UGT1A8: variants seen among roughly 807,000 people sequenced by gnomAD.
UGT1A8 encodes the protein UDP glucuronosyltransferase family 1 member A8, also known as UDP-glucuronosyltransferase 1A8.
Under a neutral mutation model 45.3 loss-of-function variants are expected in UGT1A8, and 39 were observed. The ratio of observed to expected loss-of-function variants is 0.86; its 90% confidence interval spans 0.67 to 1.12. UGT1A8 has a LOEUF of 1.12. UGT1A8 is among the 50% of genes most tolerant of loss of function. The probability of loss-of-function intolerance (pLI) is 0.00; values close to 1 mark genes in which losing one functional copy is unlikely to be tolerated. For synonymous variants in UGT1A8, 275 were observed against 249.2 expected (o/e 1.10, Z -0.97); for missense variants, 719 against 664.9 (o/e 1.08, Z -0.90).
rs138617806 is a variant in UGT1A8 at position 233,729,585 on chromosome 2, C to A, written c.856-37449C>A. The A allele has an allele frequency of 2.5e-6, 4 of 1,613,966 alleles. No homozygotes were observed. The African/African-American group carries it at 5.3e-5, about 22-fold the overall frequency. The stretch of plus-strand genomic sequence containing the variant: ...CCTTTGATGTGGTTTTAACAGACCC[C>A]GTTAACCTCTGCGCGGCAGTGCTGG... On this transcript the variant is annotated intron_variant, in intron 1 of 4. Coordinates refer to ENST00000373450, the MANE Select transcript of UGT1A8 (RefSeq NM_019076.5).
chr2:233,717,477 G>A (rs551633792), intron 1 of UGT1A8, among the ~76,000 whole-genome samples: 2 of 152,228 alleles, frequency 1.3e-5, no homozygotes, highest in Non-Finnish European at 2.9e-5. Context: ...TGTGTCCAAA[G>A]GTGGAATCTG....
chr2:233,760,714 A>G, intron 1 of UGT1A8: 1 of 1,614,210 alleles, frequency 6.2e-7, no homozygotes, highest in Non-Finnish European at 8.5e-7. Flanking sequence ...CCTGGCAGAA[A>G]GCAGCTTTGA....
intron 1 of UGT1A8, among the ~76,000 whole-genome samples, chr2:233,694,600 T>A (rs1158201480): frequency 6.6e-6 from 1 of 152,238 alleles, no homozygotes; most frequent in Non-Finnish European, 1.5e-5. Flanking sequence ...TTGAAGGGCT[T>A]CAGGCAACTC....
At chr2:233,688,006 A>T (rs2074874016) in intron 1 of UGT1A8, among the ~76,000 whole-genome samples, 1 of 152,242 alleles carries the variant, frequency 6.6e-6, no homozygotes, top group African/African-American at 2.4e-5. Context: ...GTGCTCCCAG[A>T]TACAATCAAC....
At chr2:233,713,443 C>G (rs1477253039) in intron 1 of UGT1A8, 1 of 1,614,054 alleles carries the variant, frequency 6.2e-7, no homozygotes, top group African/African-American at 1.3e-5. Context: ...GTGGTTCTAA[C>G]AGACCCCTTT....
intron 1 of UGT1A8, among the ~76,000 whole-genome samples, chr2:233,635,064 T>G (rs896911818): frequency 6.6e-6 from 1 of 150,944 alleles, no homozygotes; most frequent in Non-Finnish European, 1.5e-5. Flanking sequence ...CTTATGAAGC[T>G]TAGTTTGGCT....
At chr2:233,767,273 T>C (rs772040465) in intron 2 of UGT1A8, 108 bp downstream of exon 2, 1 of 1,581,726 alleles carries the variant, frequency 6.3e-7, no homozygotes, top group Non-Finnish European at 8.5e-7. Context: ...GATTTGGCTT[T>C]TCCCTGCCAC....
At chr2:233,743,092 C>A (rs1287220574) in intron 1 of UGT1A8, 2 of 346,770 alleles carry the variant, frequency 5.8e-6, no homozygotes, top group African/African-American at 2.2e-5. Flanking sequence ...TTTATAAATT[C>A]TTGGGTACAG....
At chr2:233,648,915 A>T (rs1325256818) in intron 1 of UGT1A8, 43 of 1,361,208 alleles carry the variant, frequency 3.2e-5, no homozygotes, top group African/African-American at 4.3e-5. Context: ...ACAGCCACAC[A>T]TCAATTTGGT....
intron 1 of UGT1A8, among the ~76,000 whole-genome samples, chr2:233,742,294 T>C (rs1176827830): frequency 3.3e-5 from 5 of 152,006 alleles, no homozygotes; most frequent in African/African-American, 1.2e-4. Context: ...CTATAGATTA[T>C]AGATTAACTA....
intron 1 of UGT1A8, among the ~76,000 whole-genome samples, chr2:233,646,722 A>G (rs940739808): frequency 1.3e-5 from 2 of 152,172 alleles, no homozygotes; most frequent in African/African-American, 4.8e-5. Flanking sequence ...CCATATTGCT[A>G]TCAGCATTTT....
At chr2:233,694,585 C>A (rs1177504062) in intron 1 of UGT1A8, among the ~76,000 whole-genome samples, 10 of 152,158 alleles carry the variant, frequency 6.6e-5, no homozygotes, top group Non-Finnish European at 1.5e-4. Context: ...TAAATATTTA[C>A]AACTTTGAAG....
chr2:233,738,092 G>A (rs994009191), intron 1 of UGT1A8, among the ~76,000 whole-genome samples: 1 of 152,196 alleles, frequency 6.6e-6, no homozygotes, highest in African/African-American at 2.4e-5. Context: ...ATCATAGTGA[G>A]TGAGTTCTTA....
chr2:233,732,917 C>T (rs958837276), intron 1 of UGT1A8, among the ~76,000 whole-genome samples: 38 of 152,062 alleles, frequency 2.5e-4, no homozygotes, highest in Non-Finnish European at 3.8e-4. Context: ...GCCATTTTCA[C>T]GATATTGATT....
chr2:233,769,536 A>G lies in UGT1A8; in HGVS notation c.1295+1097A>G. On this transcript the variant is annotated intron_variant, in intron 4 of 4. Transcript: ENST00000373450. This position sits in a 1 kb window ranked among gnomAD's most constrained non-coding sequence, Gnocchi z 4.4. Reference sequence around the variant, plus strand: ...CCCATGGTTACCTCCTTTAGAAAGAAGCAGCAGTCAGGAAGACAGATGTGA... The same window carrying G: ...CCCATGGTTACCTCCTTTAGAAAGAGGCAGCAGTCAGGAAGACAGATGTGA... 6.2e-7 allele frequency: 1 copy of G among 1,612,938 alleles called. No homozygotes were observed. The highest frequency in any genetic ancestry group is 8.5e-7 in the Non-Finnish European group (1 of 1,179,892).
chr2:233,672,331 TTAG>T, intron 1 of UGT1A8: 1 of 1,614,142 alleles, frequency 6.2e-7, no homozygotes, highest in Non-Finnish European at 8.5e-7. Context: ...AGACAAAAAA[TTAG>T]TAGAATACTT....
chr2:233,647,464 T>C (rs768028814), intron 1 of UGT1A8, among the ~76,000 whole-genome samples: 1 of 152,248 alleles, frequency 6.6e-6, no homozygotes, highest in Admixed American at 6.5e-5. Context: ...ATTGGTATTA[T>C]TTCTTCCTTC....
In UGT1A8 at chr2:233,769,475, G is replaced by A. The variant is rs1699877907; in HGVS notation, c.1295+1036G>A. 2.5e-6 allele frequency: 4 copies of A among 1,611,166 alleles called. No homozygotes were observed. The highest frequency in any genetic ancestry group is 1.7e-4 in the Middle Eastern group (1 of 6,054). ...TGTGCATTCATATGCGTGTGTGTGT[G>A]TGTGCGTGTGTTTATGAGAGTGTCC... On this transcript the variant is annotated intron_variant, in intron 4 of 4. Coordinates refer to ENST00000373450, the MANE Select transcript of UGT1A8 (RefSeq NM_019076.5). The surrounding 1 kb of genome is among the most constrained non-coding windows in gnomAD (Gnocchi z 4.4).
At chr2:233,693,702 C>T in intron 1 of UGT1A8, 1 of 1,614,214 alleles carries the variant, frequency 6.2e-7, no homozygotes, top group Middle Eastern at 1.6e-4. Context: ...GAAGAACTCG[C>T]ATCAGCTGTC....
Sources: allele counts gnomAD v4.1 joint callset (sites outside exome capture counted in the v4.1 genomes callset), GRCh38; gene constraint gnomAD v4.1.1; non-coding constraint Gnocchi (gnomAD v3.1); transcripts MANE v1.5; gene names NCBI Gene and HGNC (gene_info 2026-07-23, HGNC 2026-07-21).